Variants in KAZN observed in about 807,000 individuals in gnomAD.
The protein encoded by KAZN is kazrin.
Under a neutral mutation model 87.4 loss-of-function variants are expected in KAZN, and 40 were observed. The ratio of observed to expected loss-of-function variants is 0.46; its 90% confidence interval spans 0.36 to 0.60. The LOEUF is 0.60. Among genes scored for constraint, KAZN ranks in the 20% least tolerant of loss-of-function variants. The pLI is 0.00. For synonymous variants in KAZN, 466 were observed against 458.3 expected (o/e 1.02, Z -0.22); for missense variants, 898 against 1,073.9 (o/e 0.84, Z 2.29).
chr1:14,151,635 A>G (rs1645475933), intron 1 of KAZN, among the ~76,000 whole-genome samples: 1 of 152,254 alleles, frequency 6.6e-6, no homozygotes, highest in African/African-American at 2.4e-5. Context: ...TGAACAAATC[A>G]ACAGTGATAT....
At chr1:15,058,866 A>C (rs1442874947) in intron 5 of KAZN, among the ~76,000 whole-genome samples, 1 of 151,928 alleles carries the variant, frequency 6.6e-6, no homozygotes, top group Non-Finnish European at 1.5e-5. Context: ...TAAAAATACA[A>C]AAATTCGCTG....
At chr1:14,023,022 C>T (rs1640918378) in intron 1 of KAZN, among the ~76,000 whole-genome samples, 1 of 152,150 alleles carries the variant, frequency 6.6e-6, no homozygotes, top group Admixed American at 6.6e-5. Flanking sequence ...AAAATGTCAA[C>T]AGTACTCATT....
At chr1:14,781,737 G>A (rs1346599690) in intron 1 of KAZN, among the ~76,000 whole-genome samples, 1 of 152,172 alleles carries the variant, frequency 6.6e-6, no homozygotes, top group African/African-American at 2.4e-5. Context: ...AGCACTTTGG[G>A]AGGCCTAGAT....
rs183420077 is a variant in KAZN at position 14,421,328 on chromosome 1, T to G, written c.250-177655T>G. Among the ~76,000 whole-genome samples the G allele has an allele frequency of 1.8e-4, 27 of 152,300 alleles. No homozygotes were observed. The East Asian group carries it at 5.0e-3, about 28-fold the overall frequency. On this transcript the variant is annotated intron_variant, in intron 2 of 16. Coordinates refer to the KAZN transcript ENST00000636203. ...ATTTGGTTATTGACTCTGTATTATC[T>G]TACATTCTTCTTTTGGGATGGGTTT...
chr1:15,017,487 G>A (rs1307184290), intron 2 of KAZN, among the ~76,000 whole-genome samples: 1 of 150,866 alleles, frequency 6.6e-6, no homozygotes, highest in Non-Finnish European at 1.5e-5. Flanking sequence ...TGTGGTCTTA[G>A]TTTTGTACGA....
intron 2 of KAZN, among the ~76,000 whole-genome samples, chr1:14,456,675 CCTT>C (rs1212566565): frequency 6.6e-5 from 10 of 152,144 alleles, no homozygotes; most frequent in African/African-American, 1.7e-4. Context: ...AGATTATCTC[CCTT>C]CTTCTCCACA....
intron 1 of KAZN, among the ~76,000 whole-genome samples, chr1:14,910,533 C>T (rs1007368924): frequency 1.3e-5 from 2 of 152,182 alleles, no homozygotes; most frequent in Non-Finnish European, 2.9e-5. Flanking sequence ...AAAATGTCTC[C>T]AGATATGCCA....
rs142208483 is a variant in KAZN at position 14,096,460 on chromosome 1, G to T, written c.92-83975G>T. ...AAGGTGCAGGTGCCTGCCTTCCATG[G>T]CTCACCACCTGCTGACAAAACCCGA... On this transcript the variant is annotated intron_variant, in intron 1 of 16. Transcript: ENST00000636203. Among the ~76,000 whole-genome samples the T allele has an allele frequency of 4.0e-3, 614 of 152,304 alleles. 10 individuals are homozygous for T. In the South Asian group the frequency reaches 0.066, roughly 16 times the overall value.
At chr1:14,129,985 C>A (rs960839916) in intron 1 of KAZN, among the ~76,000 whole-genome samples, 1 of 152,076 alleles carries the variant, frequency 6.6e-6, no homozygotes, top group African/African-American at 2.4e-5. Context: ...ACAAATATAG[C>A]CAGCAACCTG....
chr1:14,972,196 A>G (rs1218997170), intron 2 of KAZN, among the ~76,000 whole-genome samples: 1 of 152,208 alleles, frequency 6.6e-6, no homozygotes, highest in Non-Finnish European at 1.5e-5. Context: ...CATGGCCTCC[A>G]TCACTGTGCA....
intron 1 of KAZN, among the ~76,000 whole-genome samples, chr1:14,830,118 G>A (rs181835167): frequency 6.6e-6 from 1 of 152,230 alleles, no homozygotes; most frequent in Non-Finnish European, 1.5e-5. Flanking sequence ...GCCAAAGGTA[G>A]CTGGCTTCAG....
At chr1:14,516,353 C>T (rs11811050) in intron 2 of KAZN, among the ~76,000 whole-genome samples, 2,717 of 152,284 alleles carry the variant, frequency 0.018, 70 homozygotes, top group African/African-American at 0.061. Context: ...CTCTTCTCAC[C>T]GGCAGATCAG....
At chr1:14,289,472 A>C (rs1176727311) in intron 2 of KAZN, among the ~76,000 whole-genome samples, 1 of 149,240 alleles carries the variant, frequency 6.7e-6, no homozygotes, top group Non-Finnish European at 1.5e-5. Flanking sequence ...TGTTGGTTTA[A>C]TGTCTGTTTT....
intron 1 of KAZN, among the ~76,000 whole-genome samples, chr1:14,937,163 G>GT (rs1191837667): frequency 3.9e-5 from 6 of 152,196 alleles, no homozygotes; most frequent in Non-Finnish European, 8.8e-5. Flanking sequence ...AGAGGACAGC[G>GT]TGGCAGAGAG....
intron 1 of KAZN, among the ~76,000 whole-genome samples, chr1:14,137,849 C>T (rs1360837670): frequency 6.6e-6 from 1 of 151,864 alleles, no homozygotes; most frequent in Non-Finnish European, 1.5e-5. Flanking sequence ...GCTGGGATTA[C>T]AGGCTTGTGC....
At chr1:15,019,979 C>T (rs1340496335) in intron 2 of KAZN, among the ~76,000 whole-genome samples, 2 of 152,140 alleles carry the variant, frequency 1.3e-5, no homozygotes, top group African/African-American at 2.4e-5. Flanking sequence ...ACAGCGTTGT[C>T]GTGGCCTGTG....
intron 1 of KAZN, among the ~76,000 whole-genome samples, chr1:14,104,292 A>G (rs1050651226): frequency 3.3e-5 from 5 of 152,116 alleles, no homozygotes; most frequent in African/African-American, 9.7e-5. Context: ...GTCTGTCCTC[A>G]ACTCTTGACT....
chr1:14,563,326 C>G, intron 2 of KAZN, among the ~76,000 whole-genome samples: 1 of 152,194 alleles, frequency 6.6e-6, no homozygotes, highest in Middle Eastern at 3.2e-3. Context: ...TCCCTGGCCT[C>G]ACTCCCAGAG....
chr1:13,939,428 C>G (rs1640854292), intron 1 of KAZN, among the ~76,000 whole-genome samples: 1 of 152,180 alleles, frequency 6.6e-6, no homozygotes, highest in Non-Finnish European at 1.5e-5. Flanking sequence ...GCTCAAGTTC[C>G]CAATAAGTTC....
Sources: gnomAD v4.1 joint callset for allele counts (sites outside exome capture counted in the v4.1 genomes callset) on GRCh38, gnomAD v4.1.1 for gene constraint, MANE v1.5 for transcripts, NCBI Gene and HGNC (gene_info 2026-07-23, HGNC 2026-07-21) for gene names.